RGS6: variants seen among roughly 807,000 people sequenced by gnomAD.
The protein encoded by RGS6 is regulator of G protein signaling 6.
In RGS6, 30 loss-of-function variants were observed where a neutral mutation model predicts 78.5. That is an observed-to-expected ratio of 0.38 (90% confidence interval 0.29 to 0.52). The LOEUF is 0.52. Ranked by LOEUF, RGS6 falls within the 20% of genes least tolerant of loss-of-function variation. The pLI is 0.85. For missense variants in RGS6, 495 were observed against 609.7 expected (o/e 0.81, Z 1.98); for synonymous variants, 206 against 206.0 (o/e 1.00, Z 0.00).
chr14:72,287,786 C>T (rs1459304126), intron 2 of RGS6, among the ~76,000 whole-genome samples: 1 of 152,186 alleles, frequency 6.6e-6, no homozygotes, highest in Non-Finnish European at 1.5e-5. Context: ...TAAATTCCTT[C>T]TATACCTAGT....
At chr14:72,027,234 AGT>A (rs374536815) in intron 2 of RGS6, among the ~76,000 whole-genome samples, 13,067 of 151,006 alleles carry the variant, frequency 0.087, 610 homozygotes, top group East Asian at 0.17. Flanking sequence ...AGAGAGAGAG[AGT>A]GTGTGTGTGT....
At chr14:72,154,533 C>T (rs2096743470) in intron 2 of RGS6, among the ~76,000 whole-genome samples, 1 of 152,150 alleles carries the variant, frequency 6.6e-6, no homozygotes, top group African/African-American at 2.4e-5. Context: ...CTTCCAACAG[C>T]TGGGGACCAC....
At chr14:71,989,931 G>T (rs1463808964) in intron 2 of RGS6, among the ~76,000 whole-genome samples, 2 of 151,430 alleles carry the variant, frequency 1.3e-5, no homozygotes, top group Admixed American at 6.6e-5. Flanking sequence ...ATTTTGTGTT[G>T]CTGTAAAGGA....
the RGS6 span, among the ~76,000 whole-genome samples, chr14:71,907,979 C>G: frequency 6.6e-6 from 1 of 152,172 alleles, no homozygotes; most frequent in African/African-American, 2.4e-5. Context: ...TTTTCCATCT[C>G]TTCTGAATCT....
intron 2 of RGS6, among the ~76,000 whole-genome samples, chr14:72,222,651 C>T (rs1380182327): frequency 6.6e-6 from 1 of 152,200 alleles, no homozygotes; most frequent in Non-Finnish European, 1.5e-5. Context: ...AACCCATAGG[C>T]TACCAAGTGT....
At chr14:72,391,195 T>G (rs2089896984) in intron 3 of RGS6, among the ~76,000 whole-genome samples, 1 of 152,240 alleles carries the variant, frequency 6.6e-6, no homozygotes, top group Non-Finnish European at 1.5e-5. Flanking sequence ...CAGACACTAA[T>G]TTATTCTGAA....
rs140626239 is a variant in RGS6 at position 72,151,596 on chromosome 14, C to T, written c.84+186721C>T. Among the ~76,000 whole-genome samples the T allele has an allele frequency of 2.2e-4, 34 of 152,186 alleles. No homozygotes were observed. In the East Asian group the frequency reaches 6.0e-3, roughly 27 times the overall value. ...CTGAATCTCTAGCTGTGTGCTTGGG[C>T]GCCATTTTCCCCACTCTTACAGTTG... On this transcript the variant is annotated intron_variant, in intron 2 of 17. Coordinates refer to ENST00000553525, the MANE Select transcript of RGS6 (RefSeq NM_001204424.2).
At chr14:72,217,146 TAAATG>T (rs1416978070) in intron 2 of RGS6, among the ~76,000 whole-genome samples, 1 of 152,050 alleles carries the variant, frequency 6.6e-6, no homozygotes, top group African/African-American at 2.4e-5. Context: ...CCCCAAGAGT[TAAATG>T]AGAGAAAACC....
chr14:71,951,511 G>A (rs572079758), intron 1 of RGS6, among the ~76,000 whole-genome samples: 94 of 152,216 alleles, frequency 6.2e-4, no homozygotes, highest in African/African-American at 2.1e-3. Flanking sequence ...CATGGCACAC[G>A]TTTACCTATG....
intron 1 of RGS6, among the ~76,000 whole-genome samples, chr14:71,940,692 C>T (rs1008259134): frequency 3.3e-5 from 5 of 152,208 alleles, no homozygotes; most frequent in South Asian, 2.1e-4. Context: ...CAATTATTCC[C>T]ATTTTGTAGT....
At chr14:72,303,272 G>A (rs981572564) in intron 2 of RGS6, among the ~76,000 whole-genome samples, 11 of 152,160 alleles carry the variant, frequency 7.2e-5, no homozygotes, top group South Asian at 2.1e-4. Context: ...AGGCGGATGC[G>A]GGTGGGTCAC....
chr14:72,527,245 A>C (rs1042061398), intron 15 of RGS6, among the ~76,000 whole-genome samples: 1 of 152,252 alleles, frequency 6.6e-6, no homozygotes, highest in African/African-American at 2.4e-5. Flanking sequence ...AGGATGACTC[A>C]GATTTAGGAC....
In RGS6 at chr14:72,411,889, A is replaced by C. The variant is rs139526407; in HGVS notation, c.185-42639A>C. Among the ~76,000 whole-genome samples the C allele has an allele frequency of 2.4e-3, 361 of 152,260 alleles. 2 individuals carry two copies. The highest frequency in any genetic ancestry group is 8.2e-3 in the African/African-American group (340 of 41,536). On this transcript the variant is annotated intron_variant, in intron 3 of 17. Transcript: ENST00000553525. ...TACGTTTATTGATTTTCGTATGTTGAACCAGCCTTGCCTCCCAGGGATGAA... is the reference window on the plus strand; with the variant it reads ...TACGTTTATTGATTTTCGTATGTTGCACCAGCCTTGCCTCCCAGGGATGAA...
chr14:72,574,030 C>T, the RGS6 span, among the ~76,000 whole-genome samples: 5 of 152,160 alleles, frequency 3.3e-5, no homozygotes, highest in African/African-American at 9.7e-5. Flanking sequence ...ATCTTCCTCT[C>T]GCTCTACTGC....
At chr14:72,137,469 C>A (rs1391072349) in intron 2 of RGS6, among the ~76,000 whole-genome samples, 1 of 152,260 alleles carries the variant, frequency 6.6e-6, no homozygotes, top group Non-Finnish European at 1.5e-5. Context: ...CAAGACTGCC[C>A]TTCACTTAAA....
intron 12 of RGS6, among the ~76,000 whole-genome samples, chr14:72,491,227 C>G (rs2153403609): frequency 6.6e-6 from 1 of 151,866 alleles, no homozygotes; most frequent in African/African-American, 2.4e-5. Context: ...ATATTCATAC[C>G]TTTTGGTCAA....
chr14:72,275,316 C>T (rs966603634), intron 2 of RGS6, among the ~76,000 whole-genome samples: 1 of 152,132 alleles, frequency 6.6e-6, no homozygotes, highest in Non-Finnish European at 1.5e-5. Flanking sequence ...CTAACAAATT[C>T]AGGCCACATG....
intron 3 of RGS6, among the ~76,000 whole-genome samples, chr14:72,397,436 A>T (rs1332340067): frequency 6.6e-6 from 1 of 151,958 alleles, no homozygotes; most frequent in African/African-American, 2.4e-5. Flanking sequence ...TTATCAGCTT[A>T]AGGAGATTTT....
intron 2 of RGS6, among the ~76,000 whole-genome samples, chr14:72,248,312 A>G (rs1471930571): frequency 6.6e-6 from 1 of 152,232 alleles, no homozygotes; most frequent in Admixed American, 6.5e-5. Flanking sequence ...CCAGAGGGTA[A>G]AGAGATTTGC....
Sources: allele counts gnomAD v4.1 joint callset (sites outside exome capture counted in the v4.1 genomes callset), GRCh38; gene constraint gnomAD v4.1.1; transcripts MANE v1.5; gene names NCBI Gene and HGNC (gene_info 2026-07-23, HGNC 2026-07-21).